PTPN4: variants seen among roughly 807,000 people sequenced by gnomAD.
PTPN4 encodes the protein tyrosine-protein phosphatase non-receptor type 4.
Under a neutral mutation model 135.5 loss-of-function variants are expected in PTPN4, and 49 were observed. The observed-to-expected ratio is 0.36, with a 90% CI of 0.29 to 0.46. PTPN4 has a LOEUF of 0.46. PTPN4 is among the 20% of genes least tolerant of loss of function. PTPN4 has a pLI of 1.00. For missense variants in PTPN4, 860 were observed against 1,101.0 expected, an observed-to-expected ratio of 0.78 and a Z score of 3.10; for synonymous variants, 333 against 369.9, an observed-to-expected ratio of 0.90 and a Z score of 1.14.
chr2:119,955,635 A>G (rs1414165615), intron 20 of PTPN4, among the ~76,000 whole-genome samples: 2 of 152,126 alleles, frequency 1.3e-5, no homozygotes, highest in African/African-American at 4.8e-5. Flanking sequence ...AGGCTATTAT[A>G]TACTTTAAAA....
At chr2:119,949,883 A>G (rs917598405) in intron 18 of PTPN4, among the ~76,000 whole-genome samples, 2 of 152,042 alleles carry the variant, frequency 1.3e-5, no homozygotes, top group Admixed American at 6.5e-5. Context: ...ACACACACAC[A>G]CACACAGAGC....
chr2:119,766,445 C>CG (rs1252319453), intron 1 of PTPN4, among the ~76,000 whole-genome samples: 19 of 56,968 alleles, frequency 3.3e-4, no homozygotes, highest in Non-Finnish European at 6.0e-4. Context: ...TGCGCATGTG[C>CG]GCGCGTGTGT....
intron 15 of PTPN4, 80 bp downstream of exon 15, chr2:119,935,038 G>C: frequency 1.4e-6 from 2 of 1,407,120 alleles, no homozygotes; most frequent in East Asian, 2.3e-5. Context: ...GGGAAATTAG[G>C]ATATTCGATA....
At chr2:119,826,084 A>G (rs1416457362) in intron 2 of PTPN4, among the ~76,000 whole-genome samples, 2 of 152,174 alleles carry the variant, frequency 1.3e-5, no homozygotes, top group Non-Finnish European at 2.9e-5. Context: ...AGGTGTGTAT[A>G]TATTAAATGA....
intron 25 of PTPN4, among the ~76,000 whole-genome samples, chr2:119,967,181 C>T (rs554694827): frequency 4.2e-4 from 64 of 152,348 alleles, no homozygotes; most frequent in African/African-American, 1.4e-3. Context: ...AGCGGTGGCC[C>T]ATGCCTGGAA....
intron 16 of PTPN4, among the ~76,000 whole-genome samples, chr2:119,945,671 T>G (rs1679122612): frequency 6.6e-6 from 1 of 152,104 alleles, no homozygotes; most frequent in Non-Finnish European, 1.5e-5. Flanking sequence ...CAAATAGCCA[T>G]GTGTTGTAGG....
rs779332065 is a variant in PTPN4, at chr2:119,957,064, C to T, written c.2120C>T (p.Ala707Val). ...ILKGNEDYINANYINMEIPSS... is the reference protein window; with the variant it reads ...ILKGNEDYINVNYINMEIPSS... ...AAAGGTAATGAAGACTACATCAATG[C>T]GAACTATATAAATGTAAGTTTATTC... Residue 707 changes from alanine to valine, a missense_variant, in exon 22 of 27, where the codon GCG becomes GTG. Coordinates refer to ENST00000263708, the MANE Select transcript of PTPN4 (RefSeq NM_002830.4). 7 of 1,608,326 alleles carry T rather than the reference C, an allele frequency of 4.4e-6. No individual in the cohort carries two copies. Among genetic ancestry groups the T allele is most frequent in the South Asian group, 1.1e-5 (1 of 90,064 alleles).
At chr2:119,890,638 A>G (rs913593964) in intron 9 of PTPN4, among the ~76,000 whole-genome samples, 5 of 152,042 alleles carry the variant, frequency 3.3e-5, no homozygotes, top group Admixed American at 6.5e-5. Context: ...CTGTAGTGAT[A>G]CTGTTTGAGT....
At chr2:119,830,111 A>C (rs1246073563) in intron 2 of PTPN4, among the ~76,000 whole-genome samples, 2 of 152,162 alleles carry the variant, frequency 1.3e-5, no homozygotes, top group Non-Finnish European at 2.9e-5. Context: ...CCATAGTCAC[A>C]AAGGTGTGTA....
intron 2 of PTPN4, among the ~76,000 whole-genome samples, chr2:119,817,892 T>C (rs2104953670): frequency 6.6e-6 from 1 of 152,234 alleles, no homozygotes; most frequent in South Asian, 2.1e-4. Flanking sequence ...TGCCTAGTTG[T>C]GTTCCTAGAC....
intron 19 of PTPN4, among the ~76,000 whole-genome samples, chr2:119,953,382 A>T (rs1454273609): frequency 6.6e-6 from 1 of 152,046 alleles, no homozygotes; most frequent in Non-Finnish European, 1.5e-5. Flanking sequence ...TCCTCTTTGT[A>T]CCTCTTGTTC....
chr2:119,892,799 G>T (rs1040715832), intron 9 of PTPN4, among the ~76,000 whole-genome samples: 1 of 151,120 alleles, frequency 6.6e-6, no homozygotes, highest in Non-Finnish European at 1.5e-5. Flanking sequence ...TCAGCTTACT[G>T]CAGCCTTGGT....
At chr2:119,773,839 C>T (rs1690780165) in intron 1 of PTPN4, among the ~76,000 whole-genome samples, 1 of 151,362 alleles carries the variant, frequency 6.6e-6, no homozygotes, top group Admixed American at 6.6e-5. Flanking sequence ...AAAATATACA[C>T]AAATCTATTA....
chr2:119,830,754 G>GCCTGGCTCACCCTCTCTCT (rs1677207729), intron 2 of PTPN4, among the ~76,000 whole-genome samples: 1 of 152,084 alleles, frequency 6.6e-6, no homozygotes, highest in Non-Finnish European at 1.5e-5. Context: ...GAGCCACCGT[G>GCCTGGCTCACCCTCTCTCT]CCTGGCTCAC....
intron 2 of PTPN4, among the ~76,000 whole-genome samples, chr2:119,852,257 A>T (rs1433073353): frequency 6.6e-6 from 1 of 152,166 alleles, no homozygotes; most frequent in Non-Finnish European, 1.5e-5. Context: ...TGGGAAAAAA[A>T]ATTAGGTCTA....
chr2:119,774,696 C>T (rs562376563), intron 1 of PTPN4, among the ~76,000 whole-genome samples: 3 of 152,202 alleles, frequency 2.0e-5, no homozygotes, highest in African/African-American at 7.2e-5. Context: ...CTTCTGCCAA[C>T]CAAGAGGCAA....
intron 9 of PTPN4, among the ~76,000 whole-genome samples, chr2:119,892,335 T>A (rs1678252539): frequency 1.3e-5 from 2 of 152,316 alleles, no homozygotes; most frequent in South Asian, 4.1e-4. Flanking sequence ...TACGTGTATG[T>A]ATGTGTGTAA....
intron 10 of PTPN4, among the ~76,000 whole-genome samples, chr2:119,913,941 C>T (rs1022789794): frequency 2.0e-5 from 3 of 151,866 alleles, no homozygotes; most frequent in African/African-American, 7.3e-5. Context: ...TGGTATTTTT[C>T]TGAAAAAACT....
intron 1 of PTPN4, among the ~76,000 whole-genome samples, chr2:119,800,458 C>G (rs1223626564): frequency 7.2e-6 from 1 of 139,730 alleles, no homozygotes; most frequent in African/African-American, 2.7e-5. Flanking sequence ...TTTTTTTTTA[C>G]TGTTGAGTTC....
Sources: gnomAD v4.1 joint callset for allele counts (sites outside exome capture counted in the v4.1 genomes callset) on GRCh38, gnomAD v4.1.1 for gene constraint, MANE v1.5 for transcripts, NCBI Gene and HGNC (gene_info 2026-07-23, HGNC 2026-07-21) for gene names.